VPS13D: variants seen among roughly 807,000 people sequenced by gnomAD.
VPS13D encodes the protein intermembrane lipid transfer protein VPS13D.
Under a neutral mutation model 461.9 loss-of-function variants are expected in VPS13D, and 187 were observed. The observed-to-expected ratio is 0.40, with a 90% CI of 0.36 to 0.46. The LOEUF (loss-of-function observed/expected upper bound fraction) is 0.46, where lower values mean the gene tolerates loss of function less well. Ranked by LOEUF, VPS13D falls within the 20% of genes least tolerant of loss-of-function variation. The probability of loss-of-function intolerance (pLI) is 0.60; values close to 1 mark genes in which losing one functional copy is unlikely to be tolerated. For synonymous variants in VPS13D, 1,951 were observed against 1,986.3 expected (o/e 0.98, Z 0.47); for missense variants, 4,711 against 5,364.9 (o/e 0.88, Z 3.81).
intron 10 of VPS13D, among the ~76,000 whole-genome samples, chr1:12,259,045 CT>C (rs577485964): frequency 1.3e-3 from 194 of 144,406 alleles, no homozygotes; most frequent in Middle Eastern, 3.6e-3. Flanking sequence ...TCTTCTTCTT[CT>C]TTTTTTTTTT....
intron 13 of VPS13D, among the ~76,000 whole-genome samples, chr1:12,264,859 C>T (rs1361834505): frequency 1.3e-5 from 2 of 152,182 alleles, no homozygotes; most frequent in African/African-American, 4.8e-5. Flanking sequence ...CCATCTAGGA[C>T]TTTTCATAGC....
intron 40 of VPS13D, among the ~76,000 whole-genome samples, chr1:12,339,395 C>A (rs750420182): frequency 1.3e-5 from 2 of 152,186 alleles, no homozygotes; most frequent in Non-Finnish European, 2.9e-5. Context: ...GAGCTGCTTA[C>A]ATAGCATGAC....
chr1:12,304,514 G>C lies in VPS13D; in HGVS notation c.6225G>C (p.Val2075=), dbSNP rs762396986. Residue 2075 remains valine (V), a synonymous_variant, in exon 26 of 70, where the codon GTG becomes GTC. Transcript: ENST00000620676. ...GTFSLQDKES[V]PSASPTGIPK... ...ATTTTGTTCCTTCCCAGGAATCTGT[G>C]CCTTCAGCTTCCCCAACGGGTATTC... 3 of 1,613,322 alleles carry C rather than the reference G, an allele frequency of 1.9e-6. No homozygotes were observed. The Admixed American group carries it at 5.0e-5, about 27-fold the overall frequency.
intron 65 of VPS13D, among the ~76,000 whole-genome samples, chr1:12,439,143 G>A (rs1165030681): frequency 6.6e-6 from 1 of 151,996 alleles, no homozygotes; most frequent in South Asian, 2.1e-4. Context: ...GAGGCTTCCC[G>A]TTTCACTCCA....
chr1:12,362,678 T>C (rs750272428), intron 50 of VPS13D, 42 bp from the exon 51 acceptor site: 2 of 1,588,488 alleles, frequency 1.3e-6, no homozygotes, highest in Non-Finnish European at 1.7e-6. Flanking sequence ...GAGTTTTCTC[T>C]CTTCATGGTT....
chr1:12,421,437 G>T (rs765092487), intron 65 of VPS13D, among the ~76,000 whole-genome samples: 6 of 152,204 alleles, frequency 3.9e-5, no homozygotes, highest in Non-Finnish European at 7.3e-5. Flanking sequence ...CTTTCTTCTA[G>T]TTGTGTGTCA....
intron 67 of VPS13D, among the ~76,000 whole-genome samples, chr1:12,475,103 T>C (rs1291912667): frequency 1.3e-5 from 2 of 152,130 alleles, no homozygotes; most frequent in African/African-American, 4.8e-5. Flanking sequence ...CAGCATAGGA[T>C]CAGTTCCTTC....
rs183153601 is a variant in VPS13D at position 12,262,162 on chromosome 1, G to A, written c.1594+82G>A. ...AGGCGATTCTCATTATTTGCTGTGGGGATAGTCTAGAAAGTCAGTGCGAAA... is the reference window on the plus strand; with the variant it reads ...AGGCGATTCTCATTATTTGCTGTGGAGATAGTCTAGAAAGTCAGTGCGAAA... On this transcript the variant is annotated intron_variant, in intron 13 of 69. Coordinates refer to ENST00000620676, the MANE Select transcript of VPS13D (RefSeq NM_015378.4). 1,373 of 1,460,408 alleles carry A rather than the reference G, an allele frequency of 9.4e-4. 11 individuals are homozygous for A. The African/African-American group carries it at 0.018, about 19-fold the overall frequency. 90.5% of individuals were successfully genotyped at this position (1,460,408 alleles called of 1,614,324 possible). A position where few individuals can be genotyped will look rare whatever the true frequency, so the allele number is the denominator to read the frequency against.
intron 40 of VPS13D, among the ~76,000 whole-genome samples, chr1:12,341,507 C>G (rs528730062): frequency 5.9e-5 from 9 of 152,202 alleles, no homozygotes; most frequent in Non-Finnish European, 1.5e-5. Context: ...TTCGTGATTC[C>G]CACCAAGTTA....
Position 12,257,101 on chromosome 1 carries a change from A to G in VPS13D, c.941+14A>G. On this transcript the variant is annotated intron_variant, in intron 9 of 69. Coordinates refer to ENST00000620676, the MANE Select transcript of VPS13D (RefSeq NM_015378.4). ...GATATCTAAGAAGTAAGGGCTTCTC[A>G]GTGTGGTCATGAAATTCATGTTAGA... The G allele has an allele frequency of 6.2e-7, 1 of 1,610,800 alleles. No individual in the cohort carries two copies. Among genetic ancestry groups the G allele is most frequent in the Non-Finnish European group, 8.5e-7 (1 of 1,177,026 alleles).
intron 17 of VPS13D, among the ~76,000 whole-genome samples, chr1:12,272,736 A>G (rs1046536747): frequency 6.6e-6 from 1 of 152,204 alleles, no homozygotes; most frequent in South Asian, 2.1e-4. Flanking sequence ...AACCCTGTAA[A>G]TTAGAAACAA....
intron 65 of VPS13D, among the ~76,000 whole-genome samples, chr1:12,442,360 C>G (rs1645141406): frequency 6.6e-6 from 1 of 152,124 alleles, no homozygotes; most frequent in Admixed American, 6.5e-5. Flanking sequence ...TAGTACTAAT[C>G]ACCTTCTAAG....
intron 24 of VPS13D, among the ~76,000 whole-genome samples, chr1:12,295,364 A>G (rs1642247819): frequency 6.6e-6 from 1 of 152,212 alleles, no homozygotes; most frequent in Non-Finnish European, 1.5e-5. Flanking sequence ...GATTTGGTAC[A>G]GTAGCAAAGT....
intron 54 of VPS13D, among the ~76,000 whole-genome samples, chr1:12,373,095 G>GTTTTTTTTTTTTTTTTT (rs571503565): frequency 8.1e-5 from 3 of 37,234 alleles, no homozygotes; most frequent in East Asian, 9.3e-4. Context: ...GTCTGGCTTG[G>GTTTTTTTTTTTTTTTTT]TTTTTTTTTT....
intron 36 of VPS13D, 22 bp from the exon 37 acceptor site, chr1:12,329,807 G>A (rs991245653): frequency 3.7e-6 from 6 of 1,611,238 alleles, no homozygotes; most frequent in Non-Finnish European, 5.1e-6. Context: ...TGCCGCTGCA[G>A]TAAGGTTTGC....
chr1:12,482,785 T>C (rs1049910735), intron 67 of VPS13D, among the ~76,000 whole-genome samples: 3 of 148,542 alleles, frequency 2.0e-5, no homozygotes, highest in Non-Finnish European at 4.4e-5. Flanking sequence ...GTATACATAG[T>C]ATACATATAT....
intron 39 of VPS13D, chr1:12,336,273 C>T: frequency 6.1e-6 from 1 of 163,774 alleles, no homozygotes; most frequent in Non-Finnish European, 1.3e-5. Context: ...GAGCAGGAGC[C>T]CATGTGGAAA....
In VPS13D at chr1:12,277,340, T is replaced by C. The variant is rs1641644016; in HGVS notation, c.3752T>C (p.Ile1251Thr). 2 of 1,614,238 alleles carry C rather than the reference T, an allele frequency of 1.2e-6. No individual in the cohort carries two copies. The highest frequency in any genetic ancestry group is 1.3e-5 in the African/African-American group (1 of 75,054). Residue 1251 changes from isoleucine to threonine, a missense_variant, in exon 19 of 70, where the codon ATT becomes ACT. Coordinates refer to ENST00000620676, the MANE Select transcript of VPS13D (RefSeq NM_015378.4). ...SVGYENIISD[I>T]GYFESVFVRM... Reference sequence around the variant, plus strand: ...GGCTATGAAAATATCATCAGTGATATTGGCTACTTTGAATCTGTGTTTGTC... The same window carrying C: ...GGCTATGAAAATATCATCAGTGATACTGGCTACTTTGAATCTGTGTTTGTC...
At position 12,505,831 on chromosome 1, in the gene VPS13D, G is replaced by A. The variant is rs1352348362; in HGVS notation, c.12795-1022G>A. 6.6e-6 allele frequency among the ~76,000 whole-genome samples: 1 copy of A among 152,196 alleles called. No homozygotes were observed. The highest frequency in any genetic ancestry group is 6.5e-5 in the Admixed American group (1 of 15,282). ...GGAGAGCAGGTGTGCGTCCTGCACG[G>A]ACCCCAAGTGAGCGAGGGCCCGGCA... On this transcript the variant is annotated intron_variant, in intron 68 of 69. Transcript: ENST00000620676. The surrounding 1 kb of genome is among the most constrained non-coding windows in gnomAD (Gnocchi z 4.2).
Sources: gnomAD v4.1 joint callset for allele counts (sites outside exome capture counted in the v4.1 genomes callset) on GRCh38, gnomAD v4.1.1 for gene constraint, Gnocchi (gnomAD v3.1) non-coding constraint, MANE v1.5 for transcripts, NCBI Gene and HGNC (gene_info 2026-07-23, HGNC 2026-07-21) for gene names.